TSGA10: variants seen among roughly 807,000 people sequenced by gnomAD.
The protein encoded by TSGA10 is testis specific 10, also known as testis-specific gene 10 protein.
A neutral mutation model predicts 96.6 loss-of-function variants in TSGA10; 43 were observed. That is an observed-to-expected ratio of 0.44 (90% CI 0.35 to 0.57). The LOEUF is 0.57. TSGA10 is among the 20% of genes least tolerant of loss of function. TSGA10 has a pLI of 0.01. For synonymous variants in TSGA10, 229 were observed against 269.9 expected, an observed-to-expected ratio of 0.85 and a Z score of 1.48; for missense variants, 703 against 834.4, an observed-to-expected ratio of 0.84 and a Z score of 1.94.
chr2:99,069,215 G>T (rs773575835), intron 14 of TSGA10, among the ~76,000 whole-genome samples: 1 of 151,902 alleles, frequency 6.6e-6, no homozygotes, highest in Non-Finnish European at 1.5e-5. Flanking sequence ...GGTAAGACCT[G>T]AAAAAAACTC....
intron 17 of TSGA10, among the ~76,000 whole-genome samples, chr2:99,021,627 C>T (rs2080011052): frequency 1.3e-5 from 2 of 152,156 alleles, no homozygotes; most frequent in Non-Finnish European, 2.9e-5. Context: ...GGAGTGGGGG[C>T]AGCACTATGC....
chr2:98,998,490 G>C (rs991742588), intron 20 of TSGA10, among the ~76,000 whole-genome samples: 1 of 152,154 alleles, frequency 6.6e-6, no homozygotes, highest in Non-Finnish European at 1.5e-5. Flanking sequence ...TGCTGAATGA[G>C]AAAAGTTAAT....
At chr2:99,109,594 C>A in intron 5 of TSGA10, 82 bp from the exon 6 acceptor site, 2 of 1,172,522 alleles carry the variant, frequency 1.7e-6, no homozygotes, top group Non-Finnish European at 2.2e-6. Context: ...TTATTTCAAG[C>A]TAAACTATAG....
intron 10 of TSGA10, among the ~76,000 whole-genome samples, chr2:99,084,243 G>C (rs1045192894): frequency 6.6e-6 from 1 of 152,280 alleles, no homozygotes; most frequent in South Asian, 2.1e-4. Flanking sequence ...CATCTGATAT[G>C]GTTTGGATGT....
At position 99,103,970 on chromosome 2, in the gene TSGA10, A is replaced by C; in HGVS notation, c.608T>G (p.Leu203Trp). ...GTTTAAAGGTGATTTAGTTTACCTC[A>C]AAGAATTATTCTCTGCTTTTTGTCT... ...LGRQKAENNS[L>W]RLLYENTEKD... Residue 203 changes from leucine to tryptophan, a missense_variant, in exon 10 of 21, where the codon TTG becomes TGG. Leu to Trp is a moderately conservative substitution (Grantham distance 61). Coordinates refer to ENST00000393483, the MANE Select transcript of TSGA10 (RefSeq NM_025244.4). The C allele has an allele frequency of 6.2e-7, 1 of 1,613,916 alleles. No individual in the cohort carries two copies. The highest frequency in any genetic ancestry group is 8.5e-7 in the Non-Finnish European group (1 of 1,179,942).
chr2:99,154,928 AG>A lies in TSGA10; in HGVS notation c.-857del. ...CGCGCCCCTCCTTCTCTTGCGCTTCAGGGGGCCGGCCCTCAGGGGGCGGGGC... is the reference window on the plus strand; with the variant it reads ...CGCGCCCCTCCTTCTCTTGCGCTTCAGGGGCCGGCCCTCAGGGGGCGGGGC... On this transcript the variant is annotated 5_prime_UTR_variant, in exon 1 of 21. Transcript: ENST00000393483. 2.2e-6 allele frequency: 1 copy of A among 446,798 alleles called. No individual in the cohort carries two copies. Among genetic ancestry groups the A allele is most frequent in the Admixed American group, 2.4e-5 (1 of 41,320 alleles). 27.7% of individuals were successfully genotyped at this position (446,798 alleles called of 1,614,324 possible). A position where few individuals can be genotyped will look rare whatever the true frequency, so the allele number is the denominator to read the frequency against.
At chr2:99,127,275 ATTTT>A (rs772847363) in intron 1 of TSGA10, 99 bp from the exon 2 acceptor site, 13 of 1,001,986 alleles carry the variant, frequency 1.3e-5, no homozygotes, top group African/African-American at 1.7e-5. Flanking sequence ...ATATTCTTAG[ATTTT>A]TTTTAACCAT....
chr2:99,090,686 G>C (rs773653053), intron 10 of TSGA10, among the ~76,000 whole-genome samples: 2 of 152,096 alleles, frequency 1.3e-5, no homozygotes, highest in Non-Finnish European at 2.9e-5. Flanking sequence ...AGAGCTTGAA[G>C]ACAAGATTTT....
chr2:99,108,310 T>C (rs1386918875), intron 7 of TSGA10, among the ~76,000 whole-genome samples: 3 of 152,162 alleles, frequency 2.0e-5, no homozygotes, highest in Non-Finnish European at 4.4e-5. Context: ...AAAATTGTGA[T>C]ACTTTTAAAA....
intron 16 of TSGA10, among the ~76,000 whole-genome samples, chr2:99,041,258 T>C (rs558421185): frequency 1.3e-5 from 2 of 152,366 alleles, no homozygotes; most frequent in African/African-American, 4.8e-5. Flanking sequence ...CATTGTTCCA[T>C]CTGCAATGGG....
intron 10 of TSGA10, among the ~76,000 whole-genome samples, chr2:99,087,435 G>A (rs2104651505): frequency 6.6e-6 from 1 of 152,284 alleles, no homozygotes; most frequent in South Asian, 2.1e-4. Context: ...GAACCCGGGA[G>A]GCGGAGGTTG....
rs1294769325 is a variant in TSGA10 at position 99,154,841 on chromosome 2, C to G, written c.-769G>C. The G allele has an allele frequency of 4.9e-5, 17 of 344,652 alleles. No individual in the cohort carries two copies. The highest frequency in any genetic ancestry group is 2.3e-4 in the South Asian group (11 of 47,852). 21.3% of individuals were successfully genotyped at this position (344,652 alleles called of 1,614,324 possible). ...CCCGCCCTGAAGGACCCTTACTTAGCACTCCTGCGGGCTGCCGGGACCCCA... is the reference window on the plus strand; with the variant it reads ...CCCGCCCTGAAGGACCCTTACTTAGGACTCCTGCGGGCTGCCGGGACCCCA... On this transcript the variant is annotated 5_prime_UTR_variant, in exon 1 of 21. Coordinates refer to ENST00000393483, the MANE Select transcript of TSGA10 (RefSeq NM_025244.4).
chr2:99,081,324 G>A lies in TSGA10; in HGVS notation c.685C>T (p.Gln229Ter). 1 of 1,597,014 alleles carries A rather than the reference G, an allele frequency of 6.3e-7. No individual in the cohort carries two copies. Among genetic ancestry groups the A allele is most frequent in the Non-Finnish European group, 8.5e-7 (1 of 1,171,874 alleles). The change falls in exon 11 of 21, where the codon CAG becomes TAG. Residue 229 changes from glutamine (Q) to a stop codon, truncating the protein, a stop_gained. Transcript: ENST00000393483. LOFTEE classifies it high-confidence loss of function. ...RHLAKKKYEL[Q>*]LTQEKIMCLD... ...CACATAATTTTCTCCTGAGTAAGCT[G>A]TAGCTCATATTTTTTCTTAGCAAGG... is the stretch of plus-strand genomic sequence containing the variant.
At position 99,112,330 on chromosome 2, in the gene TSGA10, T is replaced by C. The variant is rs117865378; in HGVS notation, c.-139-1415A>G. Among the ~76,000 whole-genome samples, 46 of 152,236 alleles carry C rather than the reference T, an allele frequency of 3.0e-4. No homozygotes were observed. The East Asian group carries it at 6.7e-3, about 22-fold the overall frequency. ...GTGATTGCATCCCTCAAAAAAATAA[T>C]ACAAGGAGCGCTCACGTTCTAAGCA... is the stretch of plus-strand genomic sequence containing the variant. On this transcript the variant is annotated intron_variant, in intron 4 of 20. Coordinates refer to ENST00000393483, the MANE Select transcript of TSGA10 (RefSeq NM_025244.4).
chr2:99,104,499 G>C (rs1044117934), intron 9 of TSGA10, among the ~76,000 whole-genome samples: 1 of 150,346 alleles, frequency 6.7e-6, no homozygotes, highest in African/African-American at 2.5e-5. Context: ...TTTTGAGACA[G>C]AGTATCGCTC....
intron 14 of TSGA10, among the ~76,000 whole-genome samples, chr2:99,070,459 A>C (rs997938258): frequency 3.3e-5 from 5 of 152,292 alleles, no homozygotes; most frequent in East Asian, 1.9e-4. Flanking sequence ...GTGTATAAAA[A>C]TAGTGTTAAA....
At chr2:99,101,930 T>C (rs1574365757) in intron 10 of TSGA10, 2 of 659,588 alleles carry the variant, frequency 3.0e-6, no homozygotes, top group East Asian at 2.7e-5. Flanking sequence ...AGAGGTTCAG[T>C]TGTGCAACAC....
At chr2:99,121,857 C>A (rs1465681338) in intron 2 of TSGA10, among the ~76,000 whole-genome samples, 1 of 152,180 alleles carries the variant, frequency 6.6e-6, no homozygotes, top group Non-Finnish European at 1.5e-5. Context: ...TCCATCCAAG[C>A]CTAACTTCCT....
intron 11 of TSGA10, among the ~76,000 whole-genome samples, chr2:99,079,178 C>G (rs1220940344): frequency 6.6e-6 from 1 of 152,152 alleles, no homozygotes; most frequent in Non-Finnish European, 1.5e-5. Context: ...AGTTTCCCCT[C>G]CCCTCCCTCT....
Sources: allele counts gnomAD v4.1 joint callset (sites outside exome capture counted in the v4.1 genomes callset), GRCh38; gene constraint gnomAD v4.1.1; transcripts MANE v1.5; gene names NCBI Gene and HGNC (gene_info 2026-07-23, HGNC 2026-07-21).